JAKMIP3: variants seen among roughly 807,000 people sequenced by gnomAD.
JAKMIP3 encodes Janus kinase and microtubule interacting protein 3, also known as janus kinase and microtubule-interacting protein 3.
Under a neutral mutation model 118.5 loss-of-function variants are expected in JAKMIP3, and 58 were observed. The observed-to-expected ratio is 0.49, with a 90% CI of 0.40 to 0.61. The LOEUF is 0.61. JAKMIP3 is among the 20% of genes least tolerant of loss of function. The pLI is 0.00. For missense variants in JAKMIP3, 950 were observed against 1,109.0 expected, an observed-to-expected ratio of 0.86 and a Z score of 2.04; for synonymous variants, 486 against 451.2, an observed-to-expected ratio of 1.08 and a Z score of -0.98.
chr10:132,039,568 C>T (rs1304161139), intron 1 of JAKMIP3, among the ~76,000 whole-genome samples: 2 of 152,190 alleles, frequency 1.3e-5, no homozygotes, highest in Admixed American at 6.5e-5. Flanking sequence ...ATGTCACCTG[C>T]CTGTGGCTCA....
intron 23 of JAKMIP3, among the ~76,000 whole-genome samples, chr10:132,180,632 TGCGTGC>T (rs1189340082): frequency 3.4e-4 from 11 of 31,972 alleles, no homozygotes; most frequent in Admixed American, 1.1e-3. Context: ...TGTGCGTGTG[TGCGTGC>T]GTGTGTGCGT....
chr10:132,099,649 C>T (rs1036828563), intron 1 of JAKMIP3, among the ~76,000 whole-genome samples: 26 of 152,228 alleles, frequency 1.7e-4, no homozygotes, highest in South Asian at 4.2e-4. Flanking sequence ...CTTATTTTTC[C>T]TGGTCAAATG....
chr10:132,110,934 C>T (rs1189560350), intron 2 of JAKMIP3, among the ~76,000 whole-genome samples: 2 of 152,226 alleles, frequency 1.3e-5, no homozygotes, highest in East Asian at 1.9e-4. Flanking sequence ...GTGTTTTTGT[C>T]GTGGACACGA....
intron 6 of JAKMIP3, 21 bp from the exon 7 acceptor site, chr10:132,136,998 G>A (rs1350487122): frequency 1.2e-6 from 2 of 1,609,864 alleles, no homozygotes; most frequent in African/African-American, 1.3e-5. Flanking sequence ...AACTTGTGAT[G>A]TGGGCTGCTT....
At chr10:132,072,778 C>A (rs1184513594) in intron 1 of JAKMIP3, among the ~76,000 whole-genome samples, 1 of 151,488 alleles carries the variant, frequency 6.6e-6, no homozygotes, top group Admixed American at 6.6e-5. Flanking sequence ...ATTTTTATTT[C>A]TTTAGGGTAC....
chr10:132,071,876 C>CTTTCT (rs202017307), intron 1 of JAKMIP3, among the ~76,000 whole-genome samples: 11,022 of 40,218 alleles, frequency 0.27, 574 homozygotes, highest in East Asian at 0.48. Flanking sequence ...TCTTTCTTTC[C>CTTTCT]TTCCTTTCTT....
chr10:132,117,329 A>G lies in JAKMIP3; in HGVS notation c.388A>G (p.Lys130Glu). 6.2e-7 allele frequency: 1 copy of G among 1,613,970 alleles called. No homozygotes were observed. The highest frequency in any genetic ancestry group is 8.5e-7 in the Non-Finnish European group (1 of 1,179,884). The change falls in exon 3 of 24, where the codon AAG becomes GAG. Residue 130 changes from lysine to glutamate, a missense_variant. Physicochemically the swap from Lys to Glu is moderately conservative, Grantham distance 56. Transcript: ENST00000684848. This position sits in a 1 kb window ranked among gnomAD's most constrained non-coding sequence, Gnocchi z 8.6. ...LSALRDGGPE[K>E]VKTVLLSEAK... is the part of the protein sequence containing the mutation. ...TGCCCTGCGTGATGGCGGCCCCGAA[A>G]AGGTCAAGACCGTGCTGCTGTCCGA...
intron 1 of JAKMIP3, among the ~76,000 whole-genome samples, chr10:132,073,174 ATCT>A (rs931209555): frequency 5.3e-5 from 8 of 151,876 alleles, no homozygotes; most frequent in South Asian, 4.2e-4. Context: ...GGACACTTTG[ATCT>A]TCTTTTCTTT....
chr10:132,167,846 C>T (rs2059091056), intron 22 of JAKMIP3, 107 bp from the exon 23 acceptor site: 1 of 798,624 alleles, frequency 1.3e-6, no homozygotes, highest in South Asian at 1.6e-5. Flanking sequence ...GCCCTCGCCC[C>T]TCGCCCCTCA....
At chr10:132,072,528 C>T (rs996824264) in intron 1 of JAKMIP3, among the ~76,000 whole-genome samples, 1 of 152,122 alleles carries the variant, frequency 6.6e-6, no homozygotes, top group African/African-American at 2.4e-5. Flanking sequence ...GATCAACAGC[C>T]TGTCTCAAAT....
At chr10:132,096,035 T>TG (rs150598423) in intron 1 of JAKMIP3, among the ~76,000 whole-genome samples, 5,842 of 152,136 alleles carry the variant, frequency 0.038, 169 homozygotes, top group Non-Finnish European at 0.062. Context: ...GCTGTGGTCT[T>TG]GGGGGGGTCT....
chr10:132,135,756 G>C (rs898202661), intron 5 of JAKMIP3, among the ~76,000 whole-genome samples, 174 bp from the exon 6 acceptor site: 1 of 151,780 alleles, frequency 6.6e-6, no homozygotes, highest in Non-Finnish European at 1.5e-5. Flanking sequence ...CTGGGCAAGT[G>C]GGTTCACCCG....
At chr10:132,082,273 C>T (rs1029423687) in intron 1 of JAKMIP3, among the ~76,000 whole-genome samples, 3 of 151,228 alleles carry the variant, frequency 2.0e-5, no homozygotes, top group East Asian at 1.9e-4. Context: ...AGGTGGTGTT[C>T]GGTTACATGG....
chr10:132,101,222 T>C (rs560252134), intron 1 of JAKMIP3, among the ~76,000 whole-genome samples: 1 of 152,136 alleles, frequency 6.6e-6, no homozygotes, highest in East Asian at 1.9e-4. Flanking sequence ...CTTTCCCTCC[T>C]CCAAAGTGGA....
At chr10:132,169,685 C>A (rs1458582094) in intron 23 of JAKMIP3, among the ~76,000 whole-genome samples, 1 of 152,212 alleles carries the variant, frequency 6.6e-6, no homozygotes, top group African/African-American at 2.4e-5. Context: ...CCGACCCACA[C>A]CGTGTCTGAG....
intron 1 of JAKMIP3, among the ~76,000 whole-genome samples, chr10:132,050,379 G>A (rs1325917452): frequency 7.2e-5 from 11 of 152,224 alleles, no homozygotes; most frequent in African/African-American, 2.7e-4. Flanking sequence ...TTGTGGTGGT[G>A]TCCAATGGAC....
chr10:132,154,018 CG>C (rs112071577), intron 19 of JAKMIP3, 28 bp downstream of exon 19: 1 of 1,607,306 alleles, frequency 6.2e-7, no homozygotes, highest in Non-Finnish European at 8.5e-7. Flanking sequence ...GCTGGAACCC[CG>C]GGGAGGGGCA....
chr10:132,145,823 C>T (rs2054489743), intron 13 of JAKMIP3, among the ~76,000 whole-genome samples: 1 of 152,168 alleles, frequency 6.6e-6, no homozygotes, highest in Non-Finnish European at 1.5e-5. Context: ...GGGCAGGCCC[C>T]TATCTGCAGC....
At chr10:132,107,368 C>T (rs2046073035) in intron 2 of JAKMIP3, among the ~76,000 whole-genome samples, 1 of 152,230 alleles carries the variant, frequency 6.6e-6, no homozygotes, top group South Asian at 2.1e-4. Flanking sequence ...ACAGGCCAGG[C>T]TTGCGGGCTC....
Sources: allele counts gnomAD v4.1 joint callset (sites outside exome capture counted in the v4.1 genomes callset), GRCh38; gene constraint gnomAD v4.1.1; non-coding constraint Gnocchi (gnomAD v3.1); transcripts MANE v1.5; gene names NCBI Gene and HGNC (gene_info 2026-07-23, HGNC 2026-07-21).